The following FADS3 variants were observed in gnomAD, a reference collection of about 807,000 sequenced individuals.
FADS3 encodes fatty acid desaturase 3, also known as cytochrome b5-related protein.
FADS3 carries 30 observed loss-of-function variants against 60.4 expected under a neutral mutation model. The ratio of observed to expected loss-of-function variants is 0.50; its 90% CI spans 0.37 to 0.67. FADS3 has a LOEUF of 0.67. Among genes scored for constraint, FADS3 ranks in the 30% least tolerant of loss-of-function variants. FADS3 has a pLI of 0.00. For synonymous variants in FADS3, 234 were observed against 249.3 expected, an observed-to-expected ratio of 0.94 and a Z score of 0.58; for missense variants, 432 against 598.3, an observed-to-expected ratio of 0.72 and a Z score of 2.90.
intron 3 of FADS3, 35 bp downstream of exon 3, chr11:61,879,277 C>A: frequency 3.2e-6 from 5 of 1,540,508 alleles, no homozygotes; most frequent in Non-Finnish European, 4.4e-6. Context: ...GTCTGTTGGG[C>A]AGTTAAGGTG....
Position 61,873,591 on chromosome 11 carries a change from G to T in FADS3, c.*223C>A. The T allele has an allele frequency of 1.7e-6, 1 of 578,330 alleles. No individual in the cohort carries two copies. The allele number at this position is 578,330 out of a possible 1,614,324, so 35.8% of individuals were successfully genotyped here. A position where few individuals can be genotyped will look rare whatever the true frequency, so the allele number is the denominator to read the frequency against. On this transcript the variant is annotated 3_prime_UTR_variant, in exon 12 of 12. Coordinates refer to ENST00000278829, the MANE Select transcript of FADS3 (RefSeq NM_021727.5). ...CCCAATTCTCGCTCTAGGAAAATGTGCTATGCTCACCTTCCCTCTACCCCT... is the reference window on the plus strand; with the variant it reads ...CCCAATTCTCGCTCTAGGAAAATGTTCTATGCTCACCTTCCCTCTACCCCT...
rs200308162 is a variant in FADS3 at position 61,876,317 on chromosome 11, C to T, written c.1080+42G>A. ...TTTGCCATCTGGCTCCTAGCTGGGACCCCCCACCCCACCCAGGATGGGCCC... is the reference window on the plus strand; with the variant it reads ...TTTGCCATCTGGCTCCTAGCTGGGATCCCCCACCCCACCCAGGATGGGCCC... On this transcript the variant is annotated intron_variant, in intron 9 of 11. Coordinates refer to ENST00000278829, the MANE Select transcript of FADS3 (RefSeq NM_021727.5). The surrounding 1 kb of genome is among the most constrained non-coding windows in gnomAD (Gnocchi z 5.7). The T allele has an allele frequency of 2.4e-4, 390 of 1,594,064 alleles. 2 individuals carry two copies. In the African/African-American group the frequency reaches 4.7e-3, roughly 19 times the overall value.
chr11:61,878,849 T>C lies in FADS3; in HGVS notation c.523-2A>G. On this transcript the variant is annotated splice_acceptor_variant, in intron 3 of 11. Coordinates refer to ENST00000278829, the MANE Select transcript of FADS3 (RefSeq NM_021727.5). LOFTEE classifies it high-confidence loss of function. ...ATGCTGCAGACACCAGGACTGAGCC[T>C]GGGGAGAGAGGCAGGGTCAGAAGCT... 6.2e-7 allele frequency: 1 copy of C among 1,613,522 alleles called. No homozygotes were observed. The highest frequency in any genetic ancestry group is 8.5e-7 in the Non-Finnish European group (1 of 1,179,620).
intron 4 of FADS3, 31 bp downstream of exon 4, chr11:61,878,715 G>A (rs746721136): frequency 6.2e-7 from 1 of 1,612,496 alleles, no homozygotes; most frequent in Non-Finnish European, 8.5e-7. Flanking sequence ...GCGCCACCCA[G>A]CACCTGGCTG....
chr11:61,879,575 C>G, intron 2 of FADS3, 66 bp from the exon 3 acceptor site: 2 of 1,450,202 alleles, frequency 1.4e-6, no homozygotes, highest in South Asian at 1.2e-5. Flanking sequence ...CTCCTGGAGC[C>G]CCAGCCGCTC....
rs1359427091 is a variant in FADS3 at position 61,876,768 on chromosome 11, T to C, written c.983+98A>G. 1.0e-6 allele frequency: 1 copy of C among 964,628 alleles called. No homozygotes were observed. Among genetic ancestry groups the C allele is most frequent in the South Asian group, 1.4e-5 (1 of 71,740 alleles). 59.8% of individuals were successfully genotyped at this position (964,628 alleles called of 1,614,324 possible). A position where few individuals can be genotyped will look rare whatever the true frequency, so the allele number is the denominator to read the frequency against. On this transcript the variant is annotated intron_variant, in intron 8 of 11. Transcript: ENST00000278829. The surrounding 1 kb of genome is among the most constrained non-coding windows in gnomAD (Gnocchi z 5.7). ...CAGCAAGCCAGGGAGGCAGTACCAC[T>C]GGCCCCATTCTGCAGACGGGAAAAG...
At chr11:61,886,725 T>G (rs1938333066) in intron 1 of FADS3, among the ~76,000 whole-genome samples, 1 of 152,220 alleles carries the variant, frequency 6.6e-6, no homozygotes. Flanking sequence ...CAAAATGGGC[T>G]AACAATAGGA....
Position 61,876,472 on chromosome 11 carries a change from G to T in FADS3, c.984-17C>A, listed in dbSNP as rs1319550068. The T allele has an allele frequency of 1.2e-6, 2 of 1,606,502 alleles. No homozygotes were observed. Among genetic ancestry groups the T allele is most frequent in the Non-Finnish European group, 8.5e-7 (1 of 1,174,032 alleles). ...TCCAGGACCCTGTGGGGAGGCTCGG[G>T]CACTGCCCTAGGTCCAGCTCACCAC... On this transcript the variant is annotated splice_polypyrimidine_tract_variant and intron_variant, in intron 8 of 11. Transcript: ENST00000278829. The surrounding 1 kb of genome is among the most constrained non-coding windows in gnomAD (Gnocchi z 5.7).
At chr11:61,883,139 C>T (rs1440247662) in intron 1 of FADS3, among the ~76,000 whole-genome samples, 1 of 152,172 alleles carries the variant, frequency 6.6e-6, no homozygotes. Flanking sequence ...CAACCATCAC[C>T]ATCATCCAGC....
intron 1 of FADS3, among the ~76,000 whole-genome samples, chr11:61,884,781 TGGAAAGCGGCACTCGACGTCTCTCATC>T (rs1328055081): frequency 6.6e-6 from 1 of 151,574 alleles, no homozygotes; most frequent in Non-Finnish European, 1.5e-5. Flanking sequence ...CCCAAGCGAG[TGGAAAGCGGCACTCGACGTCTCTCATC>T]GGGTACCGGA....
At chr11:61,891,084 C>T (rs1565351042) in intron 1 of FADS3, 85 bp downstream of exon 1, 11 of 1,177,626 alleles carry the variant, frequency 9.3e-6, no homozygotes, top group East Asian at 2.6e-5. Flanking sequence ...GATGCTAAGG[C>T]CCCACAGGTG....
At chr11:61,879,266 C>A (rs371236051) in intron 3 of FADS3, 46 bp downstream of exon 3, 16 of 1,498,742 alleles carry the variant, frequency 1.1e-5, no homozygotes, top group Non-Finnish European at 1.4e-5. Flanking sequence ...TGGGGGCCCA[C>A]GTCTGTTGGG....
intron 5 of FADS3, 58 bp downstream of exon 5, chr11:61,878,454 T>G (rs1165968700): frequency 6.3e-7 from 1 of 1,587,060 alleles, no homozygotes; most frequent in East Asian, 2.2e-5. Context: ...ACCCAGTGCA[T>G]TAGCTCCCCC....
intron 1 of FADS3, among the ~76,000 whole-genome samples, chr11:61,887,048 C>A (rs1938341940): frequency 1.3e-5 from 2 of 152,254 alleles, no homozygotes; most frequent in African/African-American, 2.4e-5. Flanking sequence ...ATTCACCACA[C>A]CCATGAATAG....
intron 2 of FADS3, 24 bp from the exon 3 acceptor site, chr11:61,879,533 AG>A: frequency 6.4e-7 from 1 of 1,571,576 alleles, no homozygotes. Context: ...GGGGCCGATC[AG>A]CCAAGGAAGA....
chr11:61,878,680 G>C, intron 4 of FADS3, 46 bp from the exon 5 acceptor site: 1 of 1,612,752 alleles, frequency 6.2e-7, no homozygotes, highest in Non-Finnish European at 8.5e-7. Flanking sequence ...GCCCCCGACT[G>C]TGCCCACACA....
chr11:61,879,964 C>A, intron 2 of FADS3, 77 bp downstream of exon 2: 5 of 1,235,740 alleles, frequency 4.0e-6, no homozygotes, highest in Non-Finnish European at 5.8e-6. Context: ...CTGCTCCTGG[C>A]CATGTGGCAA....
Position 61,876,056 on chromosome 11 carries a change from T to TCCCCTCCCAGGAC in FADS3, c.1160+42_1160+54dup. Reference sequence around the variant, plus strand: ...CCCACCCACGGGTCCCCTCCCAGGATCCCCTCCCAGGACCCCCTCCCCACC... The same window carrying TCCCCTCCCAGGAC: ...CCCACCCACGGGTCCCCTCCCAGGATCCCCTCCCAGGACCCCCTCCCAGGACCCCCTCCCCACC... On this transcript the variant is annotated intron_variant, in intron 10 of 11. Transcript: ENST00000278829. This position sits in a 1 kb window ranked among gnomAD's most constrained non-coding sequence, Gnocchi z 5.7. The TCCCCTCCCAGGAC allele has an allele frequency of 6.2e-7, 1 of 1,604,566 alleles. No individual in the cohort carries two copies. The highest frequency in any genetic ancestry group is 8.5e-7 in the Non-Finnish European group (1 of 1,174,326).
intron 1 of FADS3, among the ~76,000 whole-genome samples, chr11:61,883,159 T>C (rs982870603): frequency 6.6e-6 from 1 of 152,144 alleles, no homozygotes; most frequent in Non-Finnish European, 1.5e-5. Flanking sequence ...CTCCAGAACC[T>C]TTTCACCTTC....
Sources: gnomAD v4.1 joint callset for allele counts (sites outside exome capture counted in the v4.1 genomes callset) on GRCh38, gnomAD v4.1.1 for gene constraint, Gnocchi (gnomAD v3.1) non-coding constraint, MANE v1.5 for transcripts, NCBI Gene and HGNC (gene_info 2026-07-23, HGNC 2026-07-21) for gene names.